Variants in EVX2 observed in about 807,000 individuals in gnomAD.
The protein encoded by EVX2 is homeobox even-skipped homolog protein 2.
Under a neutral mutation model 19.2 loss-of-function variants are expected in EVX2, and 10 were observed. The observed-to-expected ratio is 0.52, with a 90% CI of 0.32 to 0.89. EVX2 has a LOEUF of 0.89. EVX2 is among the 40% of genes least tolerant of loss of function. EVX2 has a pLI of 0.03. For synonymous variants in EVX2, 354 were observed against 328.4 expected (o/e 1.08, Z -0.84); for missense variants, 710 against 694.9 (o/e 1.02, Z -0.24).
rs1689171299 is a variant in EVX2, at chr2:176,083,118, G to A, written c.427+232C>T. Reference sequence around the variant, plus strand: ...CATTTTCTCGGACTCAGGAGCGAGGGCGGGTGGGCCTGGTGTTCCAGGCTC... The same window carrying A: ...CATTTTCTCGGACTCAGGAGCGAGGACGGGTGGGCCTGGTGTTCCAGGCTC... On this transcript the variant is annotated intron_variant, in intron 1 of 2. Transcript: ENST00000308618. This position sits in a 1 kb window ranked among gnomAD's most constrained non-coding sequence, Gnocchi z 4.4. Among the ~76,000 whole-genome samples the A allele has an allele frequency of 1.3e-5, 2 of 152,210 alleles. No homozygotes were observed. Among genetic ancestry groups the A allele is most frequent in the Non-Finnish European group, 2.9e-5 (2 of 68,040 alleles).
rs982190155 is a variant in EVX2 at position 176,080,326 on chromosome 2, T to TGCTGCCGCG, written c.1203_1211dup (p.Ala406_Ala408dup). 4 of 1,290,098 alleles carry TGCTGCCGCG rather than the reference T, an allele frequency of 3.1e-6. No individual in the cohort carries two copies. The highest frequency in any genetic ancestry group is 1.6e-5 in the African/African-American group (1 of 63,380). The allele number at this position is 1,290,098 out of a possible 1,614,324, so 79.9% of individuals were successfully genotyped here. On this transcript the variant is annotated inframe_insertion, in exon 3 of 3. Transcript: ENST00000308618. The surrounding 1 kb of genome is among the most constrained non-coding windows in gnomAD (Gnocchi z 7.0). ...CCCGGGAACCCAGGGCTGCGGCAGC[T>TGCTGCCGCG]GCTGCCGCGGCTGCCGCCGCCGACT...
rs1198509680 is a variant in EVX2 at position 176,077,871 on chromosome 2, A to T, written c.*2236T>A. The T allele has an allele frequency of 2.0e-5, 3 of 152,152 alleles. No homozygotes were observed. Among genetic ancestry groups the T allele is most frequent in the Non-Finnish European group, 4.4e-5 (3 of 68,002 alleles). 9.4% of individuals were successfully genotyped at this position (152,152 alleles called of 1,614,324 possible). On this transcript the variant is annotated 3_prime_UTR_variant, in exon 3 of 3. Transcript: ENST00000308618. Reference sequence around the variant, plus strand: ...CCTTAAATTATATATTAATATTTTTAAAAATGTAAACTCAGTGAATAAGAG... The same window carrying T: ...CCTTAAATTATATATTAATATTTTTTAAAATGTAAACTCAGTGAATAAGAG...
chr2:176,083,780 A>G lies in EVX2; in HGVS notation c.-4T>C. 2 of 1,605,436 alleles carry G rather than the reference A, an allele frequency of 1.2e-6. No homozygotes were observed. Reference sequence around the variant, plus strand: ...CTTTTCTTATTCTTTCCATCATCTCAGCTTTCTTAAAAATGTCACAGTGGC... The same window carrying G: ...CTTTTCTTATTCTTTCCATCATCTCGGCTTTCTTAAAAATGTCACAGTGGC... On this transcript the variant is annotated 5_prime_UTR_variant, in exon 1 of 3. Transcript: ENST00000308618. The surrounding 1 kb of genome is among the most constrained non-coding windows in gnomAD (Gnocchi z 4.4).
rs779533275 is a variant in EVX2 at position 176,080,542 on chromosome 2, C to G, written c.996G>C (p.Pro332=). The G allele has an allele frequency of 4.0e-6, 6 of 1,512,924 alleles. No individual in the cohort carries two copies. Among genetic ancestry groups the G allele is most frequent in the Non-Finnish European group, 5.2e-6 (6 of 1,146,176 alleles). 93.7% of individuals were successfully genotyped at this position (1,512,924 alleles called of 1,614,324 possible). ...GGTGGCGGAAGCTACACAGCAGCTCCGGCCGAGAGTAGGGGTGCGAGAGGG... is the reference window on the plus strand; with the variant it reads ...GGTGGCGGAAGCTACACAGCAGCTCGGGCCGAGAGTAGGGGTGCGAGAGGG... The part of the protein sequence containing the change: ...FRALSHPYSR[P]ELLCSFRHPG... Residue 332 remains proline, a synonymous_variant, in exon 3 of 3, where the codon CCG becomes CCC. Coordinates refer to ENST00000308618, the MANE Select transcript of EVX2 (RefSeq NM_001080458.2). The surrounding 1 kb of genome is among the most constrained non-coding windows in gnomAD (Gnocchi z 7.0).
chr2:176,079,596 C>G lies in EVX2; in HGVS notation c.*511G>C, dbSNP rs1251790733. 6.5e-6 allele frequency: 1 copy of G among 153,314 alleles called. No homozygotes were observed. Among genetic ancestry groups the G allele is most frequent in the Admixed American group, 6.5e-5 (1 of 15,304 alleles). 9.5% of individuals were successfully genotyped at this position (153,314 alleles called of 1,614,324 possible). A position where few individuals can be genotyped will look rare whatever the true frequency, so the allele number is the denominator to read the frequency against. ...CTGAAAGAACGTTTGCCACCTCCCC[C>G]ACCCTCGTTGAAAGAAAAGGAAGAA... On this transcript the variant is annotated 3_prime_UTR_variant, in exon 3 of 3. Transcript: ENST00000308618. The surrounding 1 kb of genome is among the most constrained non-coding windows in gnomAD (Gnocchi z 4.4).
In EVX2 at chr2:176,080,968, G is replaced by A. The variant is rs1417743400; in HGVS notation, c.700-130C>T. On this transcript the variant is annotated intron_variant, in intron 2 of 2. Coordinates refer to ENST00000308618, the MANE Select transcript of EVX2 (RefSeq NM_001080458.2). The surrounding 1 kb of genome is among the most constrained non-coding windows in gnomAD (Gnocchi z 7.0). ...CTTCTCTCCGACCAAGCCCAACCCCGAGTACCCTGTGGTCTCCCAGCTGGG... is the reference window on the plus strand; with the variant it reads ...CTTCTCTCCGACCAAGCCCAACCCCAAGTACCCTGTGGTCTCCCAGCTGGG... 1.6e-6 allele frequency: 2 copies of A among 1,212,628 alleles called. No individual in the cohort carries two copies. Among genetic ancestry groups the A allele is most frequent in the African/African-American group, 3.1e-5 (2 of 64,732 alleles). The allele number at this position is 1,212,628 out of a possible 1,614,324, so 75.1% of individuals were successfully genotyped here.
At position 176,083,510 on chromosome 2, in the gene EVX2, G is replaced by A; in HGVS notation, c.267C>T (p.Ser89=). 1 of 1,614,172 alleles carries A rather than the reference G, an allele frequency of 6.2e-7. No individual in the cohort carries two copies. Among genetic ancestry groups the A allele is most frequent in the Non-Finnish European group, 8.5e-7 (1 of 1,180,030 alleles). ...TCTCGGCGGCGGAGGAGATTTCGGA[G>A]GAGACGGTGCTTTCGCTGCCCGTGT... ...LQHTGSESTV[S]SEISSAAESR... is the part of the protein sequence containing the mutation. Residue 89 remains serine, a synonymous_variant, in exon 1 of 3, where the codon TCC becomes TCT. Transcript: ENST00000308618. This position sits in a 1 kb window ranked among gnomAD's most constrained non-coding sequence, Gnocchi z 4.4.
In EVX2 at chr2:176,080,712, A is replaced by C; in HGVS notation, c.826T>G (p.Tyr276Asp). 6.2e-7 allele frequency: 1 copy of C among 1,606,096 alleles called. No individual in the cohort carries two copies. The change falls in exon 3 of 3, where the codon TAC (tyrosine) becomes GAC (aspartate). Residue 276 changes from tyrosine (Y) to aspartate (D), a missense_variant. Tyr to Asp is a radical substitution (Grantham distance 160). Coordinates refer to ENST00000308618, the MANE Select transcript of EVX2 (RefSeq NM_001080458.2). The surrounding 1 kb of genome is among the most constrained non-coding windows in gnomAD (Gnocchi z 7.0). The part of the protein sequence containing the change: ...THAAATGSLP[Y>D]PFHSHVPLHY... ...AGCGGCACGTGCGAGTGGAAGGGGTAGGGCAGGCTTCCGGTGGCGGCCGCG... is the reference window on the plus strand; with the variant it reads ...AGCGGCACGTGCGAGTGGAAGGGGTCGGGCAGGCTTCCGGTGGCGGCCGCG...
Position 176,080,741 on chromosome 2 carries a change from GTCA to G in EVX2, c.794_796del (p.Met265del). On this transcript the variant is annotated inframe_deletion, in exon 3 of 3. Coordinates refer to ENST00000308618, the MANE Select transcript of EVX2 (RefSeq NM_001080458.2). This position sits in a 1 kb window ranked among gnomAD's most constrained non-coding sequence, Gnocchi z 7.0. ...CAGGCTTCCGGTGGCGGCCGCGTGCGTCATCATGTAGGTGTAGAAGCTGGGGTC... is the reference window on the plus strand; with the variant it reads ...CAGGCTTCCGGTGGCGGCCGCGTGCGTCATGTAGGTGTAGAAGCTGGGGTC... 1 of 1,609,824 alleles carries G rather than the reference GTCA, an allele frequency of 6.2e-7. No individual in the cohort carries two copies. The highest frequency in any genetic ancestry group is 8.5e-7 in the Non-Finnish European group (1 of 1,179,768).
Position 176,083,952 on chromosome 2 carries a change from C to T in EVX2, c.-176G>A. On this transcript the variant is annotated 5_prime_UTR_variant, in exon 1 of 3. Coordinates refer to ENST00000308618, the MANE Select transcript of EVX2 (RefSeq NM_001080458.2). This position sits in a 1 kb window ranked among gnomAD's most constrained non-coding sequence, Gnocchi z 4.4. ...CGAGGGAATGACTGGTCAAAATGACCCATACATCCTTCCGATCCCGAGATG... is the reference window on the plus strand; with the variant it reads ...CGAGGGAATGACTGGTCAAAATGACTCATACATCCTTCCGATCCCGAGATG... The T allele has an allele frequency of 4.9e-6, 3 of 607,356 alleles. No individual in the cohort carries two copies. The highest frequency in any genetic ancestry group is 4.2e-5 in the South Asian group (2 of 47,240). 37.6% of individuals were successfully genotyped at this position (607,356 alleles called of 1,614,324 possible).
Position 176,080,200 on chromosome 2 carries a change from G to C in EVX2, c.1338C>G (p.Ser446=), listed in dbSNP as rs1348720972. 4.8e-6 allele frequency: 7 copies of C among 1,467,194 alleles called. No individual in the cohort carries two copies. In the South Asian group the frequency reaches 9.1e-5, roughly 19 times the overall value. 90.9% of individuals were successfully genotyped at this position (1,467,194 alleles called of 1,614,324 possible). A position where few individuals can be genotyped will look rare whatever the true frequency, so the allele number is the denominator to read the frequency against. The change falls in exon 3 of 3, where the codon TCC becomes TCG. Residue 446 remains serine (S), a synonymous_variant. Transcript: ENST00000308618. This position sits in a 1 kb window ranked among gnomAD's most constrained non-coding sequence, Gnocchi z 7.0. ...DFGCSAAAPR[S]ESGFLPYSAA... ...CCGAGTAGGGCAGGAAGCCGCTCTC[G>C]GAACGCGGCGCCGCCGCGCTGCAGC...
Position 176,083,856 on chromosome 2 carries a change from A to C in EVX2, c.-80T>G. ...CTGCGCCTAGGGCTAATTCTCATTC[A>C]GCCCCAGCGAACGCCTCTAAATATT... On this transcript the variant is annotated 5_prime_UTR_variant, in exon 1 of 3. An upstream open reading frame in the 5' UTR loses its in-frame stop. Coordinates refer to ENST00000308618, the MANE Select transcript of EVX2 (RefSeq NM_001080458.2). The surrounding 1 kb of genome is among the most constrained non-coding windows in gnomAD (Gnocchi z 4.4). 7.9e-7 allele frequency: 1 copy of C among 1,270,552 alleles called. No homozygotes were observed. The highest frequency in any genetic ancestry group is 1.1e-6 in the Non-Finnish European group (1 of 914,552). 78.7% of individuals were successfully genotyped at this position (1,270,552 alleles called of 1,614,324 possible). A position where few individuals can be genotyped will look rare whatever the true frequency, so the allele number is the denominator to read the frequency against.
Position 176,083,344 on chromosome 2 carries a change from G to A in EVX2, c.427+6C>T, listed in dbSNP as rs781632361. 1.9e-6 allele frequency: 3 copies of A among 1,571,716 alleles called. No individual in the cohort carries two copies. The Admixed American group carries it at 5.6e-5, about 29-fold the overall frequency. On this transcript the variant is annotated splice_donor_region_variant and intron_variant, in intron 1 of 2. Coordinates refer to ENST00000308618, the MANE Select transcript of EVX2 (RefSeq NM_001080458.2). The surrounding 1 kb of genome is among the most constrained non-coding windows in gnomAD (Gnocchi z 4.4). ...CTGGAGAGCGCGGTGCGGCCGGCGC[G>A]GTTACCTTTGCCATTGTTTTCCTTA...
Position 176,080,261 on chromosome 2 carries a change from C to A in EVX2, c.1277G>T (p.Gly426Val). 1 of 1,315,716 alleles carries A rather than the reference C, an allele frequency of 7.6e-7. No individual in the cohort carries two copies. Among genetic ancestry groups the A allele is most frequent in the South Asian group, 2.0e-5 (1 of 49,906 alleles). 81.5% of individuals were successfully genotyped at this position (1,315,716 alleles called of 1,614,324 possible). The change falls in exon 3 of 3, where the codon GGC becomes GTC. Residue 426 changes from glycine (G) to valine (V), a missense_variant. Physicochemically the swap from Gly to Val is moderately radical, Grantham distance 109. Transcript: ENST00000308618. The surrounding 1 kb of genome is among the most constrained non-coding windows in gnomAD (Gnocchi z 7.0). ...GGGGGGGGGG[G>V]GGAGAGGGSD... ...GCCTCCCCCGGCCCCGGCGCCCCCGCCGCCGCCGCCACCACCACCACCGCC... is the reference window on the plus strand; with the variant it reads ...GCCTCCCCCGGCCCCGGCGCCCCCGACGCCGCCGCCACCACCACCACCGCC...
At position 176,083,229 on chromosome 2, in the gene EVX2, G is replaced by T; in HGVS notation, c.427+121C>A. ...ATGCGTCCCGCCCCCGCCCGTGCTA[G>T]CTCGGTGTAGCTTGCCTGTGGAGGG... On this transcript the variant is annotated intron_variant, in intron 1 of 2. Coordinates refer to ENST00000308618, the MANE Select transcript of EVX2 (RefSeq NM_001080458.2). The surrounding 1 kb of genome is among the most constrained non-coding windows in gnomAD (Gnocchi z 4.4). The T allele has an allele frequency of 9.6e-7, 1 of 1,046,906 alleles. No homozygotes were observed. The highest frequency in any genetic ancestry group is 1.4e-6 in the Non-Finnish European group (1 of 729,246). The allele number at this position is 1,046,906 out of a possible 1,614,324, so 64.9% of individuals were successfully genotyped here.
Position 176,080,286 on chromosome 2 carries a change from C to T in EVX2, c.1252G>A (p.Gly418Ser). ...CCGCCGCCGCCACCACCACCACCGCCGCCGCCACCGCCACCCCGGGAACCC... is the reference window on the plus strand; with the variant it reads ...CCGCCGCCGCCACCACCACCACCGCTGCCGCCACCGCCACCCCGGGAACCC... The part of the protein sequence containing the change: ...ALGSRGGGGG[G>S]GGGGGGGGGG... The change falls in exon 3 of 3, where the codon GGC (glycine) becomes AGC (serine). Residue 418 changes from glycine (G) to serine (S), a missense_variant. Coordinates refer to ENST00000308618, the MANE Select transcript of EVX2 (RefSeq NM_001080458.2). This position sits in a 1 kb window ranked among gnomAD's most constrained non-coding sequence, Gnocchi z 7.0. The T allele has an allele frequency of 7.7e-7, 1 of 1,304,788 alleles. No homozygotes were observed. Among genetic ancestry groups the T allele is most frequent in the Non-Finnish European group, 9.8e-7 (1 of 1,025,322 alleles). The allele number at this position is 1,304,788 out of a possible 1,614,324, so 80.8% of individuals were successfully genotyped here.
Position 176,083,278 on chromosome 2 carries a change from G to C in EVX2, c.427+72C>G. On this transcript the variant is annotated intron_variant, in intron 1 of 2. Coordinates refer to ENST00000308618, the MANE Select transcript of EVX2 (RefSeq NM_001080458.2). The surrounding 1 kb of genome is among the most constrained non-coding windows in gnomAD (Gnocchi z 4.4). ...GGTCTGAGAGGGGAAAAGGCACCGGGAAAGGCTGGCGGGGGCCGCGGAGGA... is the reference window on the plus strand; with the variant it reads ...GGTCTGAGAGGGGAAAAGGCACCGGCAAAGGCTGGCGGGGGCCGCGGAGGA... The C allele has an allele frequency of 6.8e-7, 1 of 1,470,612 alleles. No individual in the cohort carries two copies. Among genetic ancestry groups the C allele is most frequent in the East Asian group, 2.5e-5 (1 of 40,348 alleles). 91.1% of individuals were successfully genotyped at this position (1,470,612 alleles called of 1,614,324 possible).
chr2:176,083,572 C>A lies in EVX2; in HGVS notation c.205G>T (p.Gly69Cys), dbSNP rs1387314446. 1 of 1,614,052 alleles carries A rather than the reference C, an allele frequency of 6.2e-7. No homozygotes were observed. The highest frequency in any genetic ancestry group is 8.5e-7 in the Non-Finnish European group (1 of 1,180,040). ...HSALGELPAK[G>C]KFEIDTLFNL... ...AACAAAGTGTCTATTTCGAATTTGC[C>A]CTTGGCGGGGAGTTCTCCCAGAGCG... The change falls in exon 1 of 3, where the codon GGC (glycine) becomes TGC (cysteine). Residue 69 changes from glycine to cysteine, a missense_variant. Physicochemically the swap from Gly to Cys is radical, Grantham distance 159. Transcript: ENST00000308618. This position sits in a 1 kb window ranked among gnomAD's most constrained non-coding sequence, Gnocchi z 4.4.
At position 176,081,383 on chromosome 2, in the gene EVX2, A is replaced by G. The variant is rs1320891974; in HGVS notation, c.700-545T>C. On this transcript the variant is annotated intron_variant, in intron 2 of 2. Transcript: ENST00000308618. The surrounding 1 kb of genome is among the most constrained non-coding windows in gnomAD (Gnocchi z 5.9). ...TTGCCTTAAATGAGTGGGTAGAGCA[A>G]TGTCTCCATAAACGGGGAAGGGGAC... Among the ~76,000 whole-genome samples the G allele has an allele frequency of 2.0e-5, 3 of 152,148 alleles. No homozygotes were observed. The highest frequency in any genetic ancestry group is 4.8e-5 in the African/African-American group (2 of 41,440).
Sources: gnomAD v4.1 joint callset for allele counts (sites outside exome capture counted in the v4.1 genomes callset) on GRCh38, gnomAD v4.1.1 for gene constraint, Gnocchi (gnomAD v3.1) non-coding constraint, MANE v1.5 for transcripts, NCBI Gene and HGNC (gene_info 2026-07-23, HGNC 2026-07-21) for gene names.